The following EPHA6 variants were observed in gnomAD, a reference collection of about 807,000 sequenced individuals.
The protein encoded by EPHA6 is ephrin type-A receptor 6.
Under a neutral mutation model 112.0 loss-of-function variants are expected in EPHA6, and 50 were observed. The observed-to-expected ratio is 0.45, with a 90% CI of 0.36 to 0.56. The LOEUF (loss-of-function observed/expected upper bound fraction) is 0.56. Among genes scored for constraint, EPHA6 ranks in the 20% least tolerant of loss-of-function variants. The probability of loss-of-function intolerance (pLI) is 0.00; values close to 1 mark genes in which losing one functional copy is unlikely to be tolerated. For missense variants in EPHA6, 1,280 were observed against 1,417.4 expected, an observed-to-expected ratio of 0.90 and a Z score of 1.56; for synonymous variants, 529 against 490.7, an observed-to-expected ratio of 1.08 and a Z score of -1.03.
chr3:97,363,773 A>G (rs1164714216), intron 5 of EPHA6, among the ~76,000 whole-genome samples: 3 of 152,120 alleles, frequency 2.0e-5, no homozygotes, highest in Non-Finnish European at 4.4e-5. Flanking sequence ...TTAAAAGATG[A>G]ATGGATAAAC....
intron 3 of EPHA6, among the ~76,000 whole-genome samples, chr3:97,176,923 G>C (rs1270893511): frequency 6.7e-6 from 1 of 150,130 alleles, no homozygotes; most frequent in Non-Finnish European, 1.5e-5. Flanking sequence ...TCTTCTACTA[G>C]TTTGGGTTTG....
chr3:96,996,612 T>C (rs1232447196), intron 3 of EPHA6, among the ~76,000 whole-genome samples: 1 of 152,128 alleles, frequency 6.6e-6, no homozygotes, highest in Non-Finnish European at 1.5e-5. Flanking sequence ...AGGTGCATCA[T>C]CAGTGATCAG....
At chr3:97,489,714 T>C (rs1413763701) in intron 10 of EPHA6, among the ~76,000 whole-genome samples, 1 of 151,776 alleles carries the variant, frequency 6.6e-6, no homozygotes, top group Non-Finnish European at 1.5e-5. Context: ...AACTCAAAAC[T>C]TATTTTTTTA....
chr3:97,400,952 A>G (rs975888012), intron 5 of EPHA6, among the ~76,000 whole-genome samples: 4 of 151,716 alleles, frequency 2.6e-5, no homozygotes, highest in Admixed American at 1.3e-4. Flanking sequence ...CCAGTTCTAT[A>G]ATAAATAAAA....
At chr3:97,032,695 G>A (rs969530327) in intron 3 of EPHA6, among the ~76,000 whole-genome samples, 6 of 151,870 alleles carry the variant, frequency 4.0e-5, no homozygotes, top group Non-Finnish European at 7.4e-5. Flanking sequence ...GCTGATTCTT[G>A]TCATGAAACT....
At chr3:97,477,226 A>G (rs1434166915) in intron 8 of EPHA6, among the ~76,000 whole-genome samples, 1 of 152,194 alleles carries the variant, frequency 6.6e-6, no homozygotes, top group African/African-American at 2.4e-5. Context: ...TAAATGTTCA[A>G]CACTGCAGCT....
chr3:97,425,190 T>A (rs2089009924), intron 6 of EPHA6, among the ~76,000 whole-genome samples: 1 of 150,686 alleles, frequency 6.6e-6, no homozygotes, highest in South Asian at 2.1e-4. Context: ...ACAGCGGCCC[T>A]CTTCTCACAG....
chr3:96,984,253 G>T (rs1177595185), intron 2 of EPHA6, among the ~76,000 whole-genome samples: 1 of 152,118 alleles, frequency 6.6e-6, no homozygotes, highest in South Asian at 2.1e-4. Context: ...CTTTCTGTTT[G>T]TTAGTTTTCC....
At chr3:96,835,447 A>G (rs2034351993) in intron 1 of EPHA6, among the ~76,000 whole-genome samples, 1 of 152,052 alleles carries the variant, frequency 6.6e-6, no homozygotes, top group African/African-American at 2.4e-5. Context: ...TAGTAGTACA[A>G]ATCATTCCAG....
Position 97,149,265 on chromosome 3 carries a change from G to A in EPHA6, c.1115-76999G>A, listed in dbSNP as rs148128824. ...TGCACATGGCCTGCCCAAGTCAATC[G>A]GAAACTCTGAGGCTAAAAATTGCTG... On this transcript the variant is annotated intron_variant, in intron 3 of 17. Coordinates refer to ENST00000389672, the MANE Select transcript of EPHA6 (RefSeq NM_001080448.3). Among the ~76,000 whole-genome samples the A allele has an allele frequency of 1.9e-3, 285 of 152,180 alleles. 2 individuals are homozygous for A. Among genetic ancestry groups the A allele is most frequent in the African/African-American group, 6.4e-3 (264 of 41,540 alleles).
intron 3 of EPHA6, among the ~76,000 whole-genome samples, chr3:97,132,811 G>C (rs2108331187): frequency 6.6e-6 from 1 of 152,060 alleles, no homozygotes; most frequent in African/African-American, 2.4e-5. Context: ...GTAGAATGTA[G>C]GCAACCAAAG....
chr3:97,310,347 C>T (rs1474604626), intron 5 of EPHA6, among the ~76,000 whole-genome samples: 1 of 151,336 alleles, frequency 6.6e-6, no homozygotes, highest in Non-Finnish European at 1.5e-5. Flanking sequence ...GAAAAGGCAG[C>T]CTCTACGGAC....
intron 6 of EPHA6, among the ~76,000 whole-genome samples, chr3:97,430,271 T>C (rs919416102): frequency 1.3e-5 from 2 of 152,130 alleles, no homozygotes; most frequent in Admixed American, 6.6e-5. Context: ...ATATTTGAAG[T>C]GATTTAATGA....
At chr3:97,500,782 C>T (rs1432526473) in intron 10 of EPHA6, among the ~76,000 whole-genome samples, 1 of 151,958 alleles carries the variant, frequency 6.6e-6, no homozygotes, top group African/African-American at 2.4e-5. Flanking sequence ...AGCTTGAAAC[C>T]CCTAGTATCT....
chr3:97,009,099 G>A (rs1401234691), intron 3 of EPHA6, among the ~76,000 whole-genome samples: 1 of 152,096 alleles, frequency 6.6e-6, no homozygotes, highest in Admixed American at 6.5e-5. Flanking sequence ...AGTGTCACGG[G>A]GAGCAGGACT....
intron 11 of EPHA6, among the ~76,000 whole-genome samples, chr3:97,548,616 A>G (rs2092990023): frequency 6.6e-6 from 1 of 152,162 alleles, no homozygotes; most frequent in Non-Finnish European, 1.5e-5. Flanking sequence ...AGATTGTTCT[A>G]TACATAGAAT....
intron 3 of EPHA6, among the ~76,000 whole-genome samples, chr3:97,140,954 C>G (rs893514190): frequency 1.3e-5 from 2 of 151,762 alleles, no homozygotes; most frequent in Non-Finnish European, 2.9e-5. Flanking sequence ...GTAAGGACAC[C>G]CACAAATTCA....
At chr3:97,140,091 C>T (rs1412789648) in intron 3 of EPHA6, among the ~76,000 whole-genome samples, 1 of 151,402 alleles carries the variant, frequency 6.6e-6, no homozygotes, top group East Asian at 1.9e-4. Flanking sequence ...CTGTAAAAGA[C>T]AAAAGAGGTT....
intron 5 of EPHA6, among the ~76,000 whole-genome samples, chr3:97,367,532 C>T (rs148534903): frequency 1.4e-4 from 21 of 151,952 alleles, no homozygotes; most frequent in South Asian, 4.2e-4. Context: ...CTCCTAAGTC[C>T]GAAGATGGTA....
Sources: allele counts gnomAD v4.1 joint callset (sites outside exome capture counted in the v4.1 genomes callset), GRCh38; gene constraint gnomAD v4.1.1; transcripts MANE v1.5; gene names NCBI Gene and HGNC (gene_info 2026-07-23, HGNC 2026-07-21).